The following DLGAP2 variants were observed in gnomAD, a reference collection of about 807,000 sequenced individuals.
The protein encoded by DLGAP2 is DLG associated protein 2, also known as disks large-associated protein 2.
Under a neutral mutation model 100.3 loss-of-function variants are expected in DLGAP2, and 26 were observed. The ratio of observed to expected loss-of-function variants is 0.26; its 90% CI spans 0.19 to 0.36. DLGAP2 has a LOEUF of 0.36. Among genes scored for constraint, DLGAP2 ranks in the 10% least tolerant of loss-of-function variants. DLGAP2 has a pLI of 1.00. For synonymous variants in DLGAP2, 886 were observed against 630.1 expected, an observed-to-expected ratio of 1.41 and a Z score of -6.08; for missense variants, 1,858 against 1,453.2, an observed-to-expected ratio of 1.28 and a Z score of -4.53.
chr8:1,180,098 A>G (rs1047784349), intron 2 of DLGAP2, among the ~76,000 whole-genome samples: 11 of 152,258 alleles, frequency 7.2e-5, no homozygotes, highest in Admixed American at 4.6e-4. Flanking sequence ...ATAACATTCA[A>G]TAAATAAGTA....
intron 2 of DLGAP2, among the ~76,000 whole-genome samples, chr8:1,084,893 A>T (rs911701329): frequency 1.3e-5 from 2 of 152,198 alleles, no homozygotes; most frequent in Non-Finnish European, 2.9e-5. Context: ...GTAAACACCC[A>T]GAAGTGGGAC....
chr8:1,223,268 T>C (rs1219681826), intron 2 of DLGAP2, among the ~76,000 whole-genome samples: 1 of 152,176 alleles, frequency 6.6e-6, no homozygotes, highest in Non-Finnish European at 1.5e-5. Context: ...CACTGTCCAC[T>C]TTGAAAGCCT....
At chr8:1,497,523 G>C (rs1799583289) in intron 3 of DLGAP2, among the ~76,000 whole-genome samples, 1 of 152,182 alleles carries the variant, frequency 6.6e-6, no homozygotes, top group Admixed American at 6.5e-5. Context: ...TATACGAGGA[G>C]GCCAGGAGAG....
At chr8:844,527 C>G (rs186403824) in intron 1 of DLGAP2, among the ~76,000 whole-genome samples, 2 of 152,174 alleles carry the variant, frequency 1.3e-5, no homozygotes, top group African/African-American at 2.4e-5. Context: ...TGCTGTCCTT[C>G]GTCGCCCATC....
At chr8:1,200,158 G>C (rs1797839262) in intron 2 of DLGAP2, among the ~76,000 whole-genome samples, 1 of 152,134 alleles carries the variant, frequency 6.6e-6, no homozygotes. Context: ...GGAGAGGCTG[G>C]GTTTCCCTGG....
At chr8:1,104,064 A>C (rs1804673902) in intron 2 of DLGAP2, among the ~76,000 whole-genome samples, 1 of 152,194 alleles carries the variant, frequency 6.6e-6, no homozygotes, top group African/African-American at 2.4e-5. Context: ...GCTCGTCTTC[A>C]CGCATGAATC....
chr8:1,231,338 C>G (rs1425810462), intron 2 of DLGAP2, among the ~76,000 whole-genome samples: 4 of 152,190 alleles, frequency 2.6e-5, no homozygotes, highest in Non-Finnish European at 5.9e-5. Context: ...CGAAAAACAA[C>G]AGATGCTGGT....
intron 1 of DLGAP2, among the ~76,000 whole-genome samples, chr8:816,937 G>T (rs900070614): frequency 6.6e-6 from 1 of 152,086 alleles, no homozygotes. Flanking sequence ...TCAGGAGATC[G>T]AGACTATCCT....
At chr8:1,530,814 C>A (rs1010330130) in intron 4 of DLGAP2, among the ~76,000 whole-genome samples, 1 of 152,210 alleles carries the variant, frequency 6.6e-6, no homozygotes, top group African/African-American at 2.4e-5. Context: ...GTGATTATAA[C>A]AATTCCACGT....
intron 2 of DLGAP2, among the ~76,000 whole-genome samples, chr8:1,185,715 A>T (rs1008586646): frequency 1.0e-5 from 1 of 99,152 alleles, no homozygotes. Flanking sequence ...ACACTCACAC[A>T]CACACACACA....
intron 3 of DLGAP2, among the ~76,000 whole-genome samples, chr8:1,425,253 T>A (rs1797206385): frequency 6.6e-6 from 1 of 152,236 alleles, no homozygotes; most frequent in Non-Finnish European, 1.5e-5. Flanking sequence ...AATATCTGTC[T>A]GTATTTTAAA....
At chr8:1,285,124 C>T (rs908139124) in intron 3 of DLGAP2, among the ~76,000 whole-genome samples, 5 of 152,124 alleles carry the variant, frequency 3.3e-5, no homozygotes, top group Non-Finnish European at 5.9e-5. Flanking sequence ...TTGAATTCCA[C>T]GTGGCTGGAA....
intron 2 of DLGAP2, among the ~76,000 whole-genome samples, chr8:980,218 G>T (rs575048241): frequency 5.9e-4 from 90 of 152,276 alleles, no homozygotes; most frequent in African/African-American, 2.2e-3. Flanking sequence ...CATCTGCGTG[G>T]ACATTGTAGC....
chr8:1,158,127 G>A (rs186752681), intron 2 of DLGAP2, among the ~76,000 whole-genome samples: 18 of 152,288 alleles, frequency 1.2e-4, no homozygotes, highest in Non-Finnish European at 2.2e-4. Context: ...ATGCTGCTTC[G>A]TATTTACAGC....
chr8:1,305,618 G>A (rs557218639), intron 3 of DLGAP2, among the ~76,000 whole-genome samples: 12 of 152,198 alleles, frequency 7.9e-5, no homozygotes, highest in East Asian at 1.9e-4. Context: ...GCAGTCCTCC[G>A]GCAACCTGCC....
At chr8:1,069,228 G>A (rs1803352929) in intron 2 of DLGAP2, among the ~76,000 whole-genome samples, 1 of 152,154 alleles carries the variant, frequency 6.6e-6, no homozygotes, top group African/African-American at 2.4e-5. Context: ...TGAAAAGAAG[G>A]GGCTGGTGGG....
chr8:1,243,124 C>T (rs541331358), intron 2 of DLGAP2, among the ~76,000 whole-genome samples: 6 of 152,144 alleles, frequency 3.9e-5, no homozygotes, highest in Admixed American at 3.3e-4. Flanking sequence ...CCTTTGTGGG[C>T]GGTTACCCTG....
chr8:814,830 A>C (rs897076159), intron 1 of DLGAP2, among the ~76,000 whole-genome samples: 1 of 147,040 alleles, frequency 6.8e-6, no homozygotes, highest in Non-Finnish European at 1.5e-5. Flanking sequence ...CCAGCCTGGC[A>C]ACAGAGCAAG....
chr8:1,315,064 T>C (rs538870378), intron 3 of DLGAP2, among the ~76,000 whole-genome samples: 39 of 152,342 alleles, frequency 2.6e-4, no homozygotes, highest in African/African-American at 7.9e-4. Context: ...AGTGACGCTT[T>C]TTTACAAAAG....
Sources: allele counts gnomAD v4.1 joint callset (sites outside exome capture counted in the v4.1 genomes callset), GRCh38; gene constraint gnomAD v4.1.1; transcripts MANE v1.5; gene names NCBI Gene and HGNC (gene_info 2026-07-23, HGNC 2026-07-21).